DRD2: variants seen among roughly 807,000 people sequenced by gnomAD.
DRD2 encodes the protein dopamine receptor D2.
DRD2 carries 8 observed loss-of-function variants against 38.0 expected under a neutral mutation model. The ratio of observed to expected loss-of-function variants is 0.21; its 90% CI spans 0.12 to 0.38. DRD2 has a LOEUF of 0.38. DRD2 is among the 10% of genes least tolerant of loss of function. The probability of loss-of-function intolerance (pLI) is 1.00; values close to 1 mark genes in which losing one functional copy is unlikely to be tolerated. For missense variants in DRD2, 403 were observed against 607.7 expected, an observed-to-expected ratio of 0.66 and a Z score of 3.54; for synonymous variants, 230 against 238.6, an observed-to-expected ratio of 0.96 and a Z score of 0.33.
chr11:113,427,962 C>T (rs1306769614), intron 1 of DRD2, among the ~76,000 whole-genome samples: 1 of 152,126 alleles, frequency 6.6e-6, no homozygotes, highest in Non-Finnish European at 1.5e-5. Flanking sequence ...GGGATGCGCG[C>T]ACAGAGGAGA....
At chr11:113,427,790 A>G (rs1950953469) in intron 1 of DRD2, among the ~76,000 whole-genome samples, 1 of 152,188 alleles carries the variant, frequency 6.6e-6, no homozygotes, top group African/African-American at 2.4e-5. Flanking sequence ...CACAAAATGT[A>G]TATGTTGAAG....
chr11:113,419,505 C>T (rs1486427865), intron 2 of DRD2, among the ~76,000 whole-genome samples: 2 of 143,616 alleles, frequency 1.4e-5, no homozygotes, highest in South Asian at 2.3e-4. Context: ...CCCCACGTAA[C>T]ACCCATTCAC....
chr11:113,470,002 G>A (rs542921724), intron 1 of DRD2, among the ~76,000 whole-genome samples: 1 of 152,276 alleles, frequency 6.6e-6, no homozygotes, highest in East Asian at 1.9e-4. Flanking sequence ...CACAATAAAT[G>A]CTGGCCGTTA....
At chr11:113,435,916 A>C (rs1951031655) in intron 1 of DRD2, among the ~76,000 whole-genome samples, 1 of 152,222 alleles carries the variant, frequency 6.6e-6, no homozygotes, top group African/African-American at 2.4e-5. Context: ...GAGGAAAAAC[A>C]ATCCTGCCTA....
intron 1 of DRD2, among the ~76,000 whole-genome samples, chr11:113,468,302 G>A (rs1441812181): frequency 1.3e-5 from 2 of 152,182 alleles, no homozygotes; most frequent in Non-Finnish European, 2.9e-5. Flanking sequence ...ACCATATGGT[G>A]TTGTTTTTAA....
chr11:113,474,241 A>T (rs376767916), intron 1 of DRD2: 14 of 152,446 alleles, frequency 9.2e-5, no homozygotes, highest in South Asian at 6.2e-4. Context: ...TCTGCTCTTC[A>T]AGAGGAAGCA....
intron 2 of DRD2, among the ~76,000 whole-genome samples, chr11:113,424,112 T>C (rs1005552736): frequency 2.6e-5 from 4 of 152,306 alleles, no homozygotes; most frequent in South Asian, 4.1e-4. Context: ...GAGGGTTATA[T>C]AGGAAAATGC....
At position 113,410,452 on chromosome 11, in the gene DRD2, G is replaced by C. The variant is rs1950757371; in HGVS notation, c.*275C>G. 1.8e-6 allele frequency: 1 copy of C among 556,506 alleles called. No individual in the cohort carries two copies. The highest frequency in any genetic ancestry group is 3.1e-5 in the Admixed American group (1 of 32,748). The allele number at this position is 556,506 out of a possible 1,614,324, so 34.5% of individuals were successfully genotyped here. A position where few individuals can be genotyped will look rare whatever the true frequency, so the allele number is the denominator to read the frequency against. ...TGCATCTTTGGTGCCAAGGATAGGG[G>C]GACTGGAGGTGGGAGGGGGGACTCT... is the stretch of plus-strand genomic sequence containing the variant. On this transcript the variant is annotated 3_prime_UTR_variant, in exon 8 of 8. Coordinates refer to ENST00000362072, the MANE Select transcript of DRD2 (RefSeq NM_000795.4).
At chr11:113,459,230 A>G (rs949265722) in intron 1 of DRD2, among the ~76,000 whole-genome samples, 1 of 152,238 alleles carries the variant, frequency 6.6e-6, no homozygotes, top group Non-Finnish European at 1.5e-5. Context: ...AGTGGTAGAT[A>G]TTATTCACTT....
chr11:113,456,482 C>T (rs960316165), intron 1 of DRD2, among the ~76,000 whole-genome samples: 8 of 152,124 alleles, frequency 5.3e-5, no homozygotes, highest in Non-Finnish European at 1.0e-4. Flanking sequence ...CTCATTTGCT[C>T]GTTCCACAAT....
chr11:113,456,701 CAT>C (rs1951271031), intron 1 of DRD2, among the ~76,000 whole-genome samples: 1 of 152,100 alleles, frequency 6.6e-6, no homozygotes, highest in Non-Finnish European at 1.5e-5. Context: ...GAGTCAAATT[CAT>C]AGAGACAGAA....
intron 1 of DRD2, chr11:113,447,464 A>C (rs1591294216): frequency 6.9e-6 from 1 of 144,742 alleles, no homozygotes; most frequent in African/African-American, 2.5e-5. Flanking sequence ...AGGCTTCCAT[A>C]CCACCCTCTG....
At chr11:113,459,928 C>A (rs1951302394) in intron 1 of DRD2, among the ~76,000 whole-genome samples, 1 of 152,214 alleles carries the variant, frequency 6.6e-6, no homozygotes, top group Admixed American at 6.5e-5. Flanking sequence ...GTGTGTACTG[C>A]TAATCAGCAA....
chr11:113,431,882 G>A (rs905633190), intron 1 of DRD2, among the ~76,000 whole-genome samples: 3 of 152,178 alleles, frequency 2.0e-5, no homozygotes, highest in African/African-American at 4.8e-5. Context: ...CCAGATACCC[G>A]GGGCTAAGCT....
At chr11:113,422,394 C>T (rs1950894552) in intron 2 of DRD2, among the ~76,000 whole-genome samples, 1 of 152,200 alleles carries the variant, frequency 6.6e-6, no homozygotes, top group South Asian at 2.1e-4. Flanking sequence ...TTATTATCTG[C>T]ATTTTCCAGA....
chr11:113,414,948 T>C (rs1382509019), intron 5 of DRD2, among the ~76,000 whole-genome samples: 1 of 151,972 alleles, frequency 6.6e-6, no homozygotes, highest in African/African-American at 2.4e-5. Flanking sequence ...AAGGGGAGAA[T>C]TCACAAGACA....
chr11:113,453,272 T>C (rs1179232761), intron 1 of DRD2, among the ~76,000 whole-genome samples: 1 of 152,212 alleles, frequency 6.6e-6, no homozygotes, highest in East Asian at 1.9e-4. Context: ...CTGCTCATTT[T>C]ATTCATCTAG....
At chr11:113,465,677 G>A (rs908350124) in intron 1 of DRD2, among the ~76,000 whole-genome samples, 3 of 152,136 alleles carry the variant, frequency 2.0e-5, no homozygotes, top group Non-Finnish European at 4.4e-5. Context: ...CAGGTGTGGA[G>A]GAAAAACCCT....
chr11:113,427,673 A>C (rs1014346890), intron 1 of DRD2, among the ~76,000 whole-genome samples: 1 of 152,190 alleles, frequency 6.6e-6, no homozygotes, highest in Non-Finnish European at 1.5e-5. Context: ...ACCTGCTAAC[A>C]TAGGCTACCA....
Sources: allele counts gnomAD v4.1 joint callset (sites outside exome capture counted in the v4.1 genomes callset), GRCh38; gene constraint gnomAD v4.1.1; transcripts MANE v1.5; gene names NCBI Gene and HGNC (gene_info 2026-07-23, HGNC 2026-07-21).